PAPPA2: variants seen among roughly 807,000 people sequenced by gnomAD.
PAPPA2 encodes pappalysin 2.
PAPPA2 carries 86 observed loss-of-function variants against 176.4 expected under a neutral mutation model. The ratio of observed to expected loss-of-function variants is 0.49; its 90% CI spans 0.41 to 0.58. PAPPA2 has a LOEUF of 0.58. PAPPA2 is among the 20% of genes least tolerant of loss of function. PAPPA2 has a pLI of 0.00. For missense variants in PAPPA2, 2,073 were observed against 2,256.9 expected (o/e 0.92, Z 1.65); for synonymous variants, 809 against 852.2 (o/e 0.95, Z 0.88).
At chr1:176,773,260 C>A (rs191442637) in intron 17 of PAPPA2, among the ~76,000 whole-genome samples, 1 of 152,150 alleles carries the variant, frequency 6.6e-6, no homozygotes, top group Non-Finnish European at 1.5e-5. Context: ...TAGCAGGTGG[C>A]GGATTGGTAA....
chr1:176,637,105 G>A (rs1656740596), intron 3 of PAPPA2, among the ~76,000 whole-genome samples: 1 of 152,028 alleles, frequency 6.6e-6, no homozygotes, highest in African/African-American at 2.4e-5. Context: ...AGGCAATGGG[G>A]GATAGCGTGC....
intron 1 of PAPPA2, among the ~76,000 whole-genome samples, chr1:176,545,583 A>G (rs925962676): frequency 6.6e-6 from 1 of 152,152 alleles, no homozygotes; most frequent in African/African-American, 2.4e-5. Context: ...TCTGGAGATG[A>G]TTTAAAGCAT....
chr1:176,631,596 A>G (rs1656342050), intron 3 of PAPPA2, among the ~76,000 whole-genome samples: 1 of 152,234 alleles, frequency 6.6e-6, no homozygotes, highest in Non-Finnish European at 1.5e-5. Flanking sequence ...TGCAGTAATG[A>G]GGTCTAGTAA....
intron 16 of PAPPA2, 29 bp downstream of exon 16, chr1:176,769,813 G>A: frequency 1.3e-6 from 2 of 1,559,002 alleles, no homozygotes; most frequent in Non-Finnish European, 1.7e-6. Flanking sequence ...GGAACTGTAT[G>A]CAAGTTCTCT....
chr1:176,580,186 A>G (rs1652881039), intron 2 of PAPPA2, among the ~76,000 whole-genome samples: 1 of 152,160 alleles, frequency 6.6e-6, no homozygotes, highest in Admixed American at 6.5e-5. Context: ...CCAAGCCTCT[A>G]AAACCTCTGT....
chr1:176,806,713 A>G (rs1433910920), intron 21 of PAPPA2, among the ~76,000 whole-genome samples: 1 of 152,192 alleles, frequency 6.6e-6, no homozygotes, highest in African/African-American at 2.4e-5. Flanking sequence ...AGGTTCAGAA[A>G]ACTGTGGAGA....
chr1:176,600,115 A>G (rs1654224965), intron 3 of PAPPA2, among the ~76,000 whole-genome samples: 1 of 152,232 alleles, frequency 6.6e-6, no homozygotes, highest in South Asian at 2.1e-4. Flanking sequence ...GCAGAGGGAC[A>G]CACGTAAAGA....
rs150958676 is a variant in PAPPA2 at position 176,566,464 on chromosome 1, T to A, written c.919+9223T>A. ...GGTCCTTTGCATCTCAGGGAGACAA[T>A]GCAGTGGATGAGGCTTTGACTGACC... On this transcript the variant is annotated intron_variant, in intron 2 of 22. Coordinates refer to ENST00000367662, the MANE Select transcript of PAPPA2 (RefSeq NM_020318.3). 2.0e-5 allele frequency among the ~76,000 whole-genome samples: 3 copies of A among 151,948 alleles called. No homozygotes were observed. In the East Asian group the frequency reaches 5.8e-4, roughly 29 times the overall value.
At chr1:176,504,293 T>C (rs1648125169) in intron 1 of PAPPA2, among the ~76,000 whole-genome samples, 1 of 152,152 alleles carries the variant, frequency 6.6e-6, no homozygotes, top group Non-Finnish European at 1.5e-5. Flanking sequence ...TATATTCTGT[T>C]TCAGAGAAAC....
chr1:176,745,941 C>G (rs1558558080), intron 14 of PAPPA2, among the ~76,000 whole-genome samples: 1 of 152,220 alleles, frequency 6.6e-6, no homozygotes, highest in Non-Finnish European at 1.5e-5. Context: ...TTCTGGGAGT[C>G]TCCCCACTGG....
chr1:176,559,219 T>G (rs1651518914), intron 2 of PAPPA2, among the ~76,000 whole-genome samples: 1 of 152,226 alleles, frequency 6.6e-6, no homozygotes, highest in South Asian at 2.1e-4. Context: ...CAGAAAATCT[T>G]TTGCAGACTG....
intron 3 of PAPPA2, among the ~76,000 whole-genome samples, chr1:176,639,889 G>T (rs1272904097): frequency 6.6e-6 from 1 of 151,498 alleles, no homozygotes; most frequent in East Asian, 1.9e-4. Flanking sequence ...AATCAGTGTA[G>T]CAATTACAGA....
intron 2 of PAPPA2, among the ~76,000 whole-genome samples, chr1:176,586,867 TACTGTCTTCCAC>T (rs1382480060): frequency 6.6e-6 from 1 of 152,200 alleles, no homozygotes; most frequent in Non-Finnish European, 1.5e-5. Context: ...GAAATCACCA[TACTGTCTTCCAC>T]ACAGGATGAA....
intron 3 of PAPPA2, among the ~76,000 whole-genome samples, chr1:176,607,297 C>G (rs527684316): frequency 2.6e-5 from 4 of 152,286 alleles, no homozygotes; most frequent in African/African-American, 9.6e-5. Flanking sequence ...TGCTGTTGAA[C>G]AGTAGCGCTT....
At chr1:176,480,755 C>G (rs981330984) in intron 1 of PAPPA2, among the ~76,000 whole-genome samples, 1 of 152,148 alleles carries the variant, frequency 6.6e-6, no homozygotes, top group Admixed American at 6.5e-5. Context: ...TAGGACCACC[C>G]CTTCTCCCTC....
chr1:176,577,697 T>G (rs1203291218), intron 2 of PAPPA2, among the ~76,000 whole-genome samples: 4 of 152,016 alleles, frequency 2.6e-5, no homozygotes, highest in Admixed American at 2.6e-4. Context: ...TTTATTCCCC[T>G]CATGCTCTCT....
chr1:176,469,826 T>C (rs1275197118), intron 1 of PAPPA2, among the ~76,000 whole-genome samples: 2 of 152,186 alleles, frequency 1.3e-5, no homozygotes, highest in Non-Finnish European at 2.9e-5. Flanking sequence ...CAGCCCACAG[T>C]ACACATTCCA....
At chr1:176,830,007 G>A (rs10798483) in intron 21 of PAPPA2, among the ~76,000 whole-genome samples, 99,201 of 152,118 alleles carry the variant, frequency 0.65, 33,843 homozygotes, top group African/African-American at 0.87. Context: ...ACACCAAGCT[G>A]TTTTCAGGTG....
chr1:176,844,438 C>T lies in PAPPA2; in HGVS notation c.*1984C>T, dbSNP rs1465687392. ...AATAAGGTGATGTACCCACATTAAT[C>T]TGTGGGTTTGTGGAATGAGGGTTGC... On this transcript the variant is annotated 3_prime_UTR_variant, in exon 23 of 23. Transcript: ENST00000367662. 6.6e-6 allele frequency: 1 copy of T among 152,106 alleles called. No homozygotes were observed. The highest frequency in any genetic ancestry group is 1.5e-5 in the Non-Finnish European group (1 of 68,018). 9.4% of individuals were successfully genotyped at this position (152,106 alleles called of 1,614,324 possible). A position where few individuals can be genotyped will look rare whatever the true frequency, so the allele number is the denominator to read the frequency against.
Sources: allele counts gnomAD v4.1 joint callset (sites outside exome capture counted in the v4.1 genomes callset), GRCh38; gene constraint gnomAD v4.1.1; transcripts MANE v1.5; gene names NCBI Gene and HGNC (gene_info 2026-07-23, HGNC 2026-07-21).